Variants in RBFOX2 observed in about 807,000 individuals in gnomAD.
RBFOX2 encodes RNA binding protein fox-1 homolog 2.
A neutral mutation model predicts 49.1 loss-of-function variants in RBFOX2; 10 were observed. That is an observed-to-expected ratio of 0.20 (90% CI 0.13 to 0.35). The LOEUF (loss-of-function observed/expected upper bound fraction) is 0.35. Among genes scored for constraint, RBFOX2 ranks in the 10% least tolerant of loss-of-function variants. The pLI, the probability that RBFOX2 is intolerant of heterozygous loss-of-function variation, is 1.00. For synonymous variants in RBFOX2, 183 were observed against 187.4 expected (o/e 0.98, Z 0.19); for missense variants, 323 against 486.9 (o/e 0.66, Z 3.17).
intron 1 of RBFOX2, among the ~76,000 whole-genome samples, chr22:35,930,954 C>G (rs1240708035): frequency 1.3e-5 from 2 of 152,130 alleles, no homozygotes; most frequent in East Asian, 3.8e-4. Context: ...CTTAGCATGG[C>G]AGTGAGCAGC....
chr22:35,852,486 TAAA>T (rs576605291), intron 1 of RBFOX2, among the ~76,000 whole-genome samples: 6 of 128,986 alleles, frequency 4.7e-5, no homozygotes, highest in Non-Finnish European at 5.0e-5. Flanking sequence ...CCTTTCTTTT[TAAA>T]AAAAAAAAAA....
At chr22:35,931,290 A>G (rs2149680892) in intron 1 of RBFOX2, among the ~76,000 whole-genome samples, 1 of 151,556 alleles carries the variant, frequency 6.6e-6, no homozygotes, top group South Asian at 2.1e-4. Context: ...CCTGTAATTT[A>G]AGAGCAAAGC....
At chr22:36,019,118 T>C (rs1291130882) in intron 1 of RBFOX2, among the ~76,000 whole-genome samples, 1 of 152,148 alleles carries the variant, frequency 6.6e-6, no homozygotes, top group Non-Finnish European at 1.5e-5. Flanking sequence ...GTTCCTGCCT[T>C]CCATGTACCA....
upstream of RBFOX2, chr22:35,840,631 C>CGT (rs150747166): frequency 0.044 from 44,004 of 996,374 alleles, 273 homozygotes; most frequent in Middle Eastern, 0.11. Flanking sequence ...TGCGTGTGTG[C>CGT]GTGTGTGTGT....
intron 1 of RBFOX2, among the ~76,000 whole-genome samples, chr22:36,000,781 C>T (rs1314365727): frequency 6.6e-6 from 1 of 151,996 alleles, no homozygotes; most frequent in African/African-American, 2.4e-5. Flanking sequence ...GTTCACAGTC[C>T]TGATTCTTTC....
At chr22:35,758,978 CA>C (rs200805367) in intron 9 of RBFOX2, among the ~76,000 whole-genome samples, 4 of 150,206 alleles carry the variant, frequency 2.7e-5, no homozygotes, top group Non-Finnish European at 3.0e-5. Context: ...CGTAAGAATA[CA>C]AAAAAAAATA....
At chr22:35,798,585 C>G (rs964901282) in intron 2 of RBFOX2, among the ~76,000 whole-genome samples, 2 of 152,116 alleles carry the variant, frequency 1.3e-5, no homozygotes, top group African/African-American at 4.8e-5. Context: ...GCTATGGTAA[C>G]TCAATGGAGT....
chr22:35,991,522 G>C (rs909488207), intron 1 of RBFOX2, among the ~76,000 whole-genome samples: 2 of 152,178 alleles, frequency 1.3e-5, no homozygotes, highest in African/African-American at 4.8e-5. Flanking sequence ...CTTTGGACAG[G>C]AGTCAGCATC....
intron 10 of RBFOX2, 47 bp downstream of exon 12, chr22:35,746,426 G>A: frequency 7.0e-7 from 1 of 1,432,884 alleles, no homozygotes; most frequent in Non-Finnish European, 9.6e-7. Context: ...TTTTGGGATG[G>A]AACAGCTCTC....
chr22:35,949,077 C>A (rs12160288), intron 1 of RBFOX2, among the ~76,000 whole-genome samples: 69 of 152,228 alleles, frequency 4.5e-4, no homozygotes, highest in African/African-American at 1.6e-3. Flanking sequence ...TTATTTGCGC[C>A]GTGACATAAT....
upstream of RBFOX2, among the ~76,000 whole-genome samples, chr22:35,940,718 G>C (rs1444444980): frequency 6.6e-6 from 1 of 152,122 alleles, no homozygotes; most frequent in African/African-American, 2.4e-5. Flanking sequence ...ATGGATAAAT[G>C]AAGTATGGTA....
At chr22:36,028,322 G>T in exon 1 of RBFOX2, 1 of 1,508,930 alleles carries the variant, frequency 6.6e-7, no homozygotes, top group Non-Finnish European at 8.8e-7. Flanking sequence ...GTCTCCTCCC[G>T]CTCCGGGCAC....
At chr22:35,826,138 C>T (rs560117398) in intron 1 of RBFOX2, among the ~76,000 whole-genome samples, 1 of 150,230 alleles carries the variant, frequency 6.7e-6, no homozygotes, top group African/African-American at 2.4e-5. Context: ...GTCAGGAGTT[C>T]GAGACCAGCC....
At chr22:35,880,407 G>C (rs902596349) in intron 1 of RBFOX2, among the ~76,000 whole-genome samples, 2 of 152,128 alleles carry the variant, frequency 1.3e-5, no homozygotes. Context: ...TCAAGTTTGA[G>C]GTAACTATTA....
intron 1 of RBFOX2, among the ~76,000 whole-genome samples, chr22:36,021,828 T>A (rs905860479): frequency 2.6e-5 from 4 of 152,174 alleles, no homozygotes; most frequent in African/African-American, 9.7e-5. Flanking sequence ...CATCAGCCAA[T>A]GGGTTTATTC....
chr22:35,747,566 A>G (rs1186057244), intron 9 of RBFOX2: 1 of 152,268 alleles, frequency 6.6e-6, no homozygotes, highest in Non-Finnish European at 1.5e-5. Context: ...AAGCATTTCA[A>G]GAGACAATCA....
At chr22:35,936,170 C>T (rs577089943) in intron 1 of RBFOX2, among the ~76,000 whole-genome samples, 28 of 150,818 alleles carry the variant, frequency 1.9e-4, no homozygotes, top group African/African-American at 2.4e-4. Context: ...CATGTTCATG[C>T]CACTGCACTC....
intron 1 of RBFOX2, among the ~76,000 whole-genome samples, chr22:35,921,128 C>G (rs573035453): frequency 6.6e-6 from 1 of 152,302 alleles, no homozygotes; most frequent in South Asian, 2.1e-4. Context: ...AACCAGGGTT[C>G]AAATCCCTAT....
chr22:35,766,541 T>G (rs1485233634), intron 5 of RBFOX2, among the ~76,000 whole-genome samples: 1 of 152,058 alleles, frequency 6.6e-6, no homozygotes, highest in Non-Finnish European at 1.5e-5. Context: ...ATCCCCCATA[T>G]GAGGAAAGAG....
Sources: allele counts gnomAD v4.1 joint callset (sites outside exome capture counted in the v4.1 genomes callset), GRCh38; gene constraint gnomAD v4.1.1; transcripts MANE v1.5; gene names NCBI Gene and HGNC (gene_info 2026-07-23, HGNC 2026-07-21).